The following PAWR variants were observed in gnomAD, a reference collection of about 807,000 sequenced individuals.
PAWR encodes the protein pro-apoptotic WT1 regulator.
In PAWR, 23 loss-of-function variants were observed where a neutral mutation model predicts 32.0. The observed-to-expected ratio is 0.72, with a 90% CI of 0.52 to 1.02. The LOEUF is 1.02. Among genes scored for constraint, PAWR ranks in the 50% least tolerant of loss-of-function variants. The pLI is 0.00. For missense variants in PAWR, 457 were observed against 437.7 expected, an observed-to-expected ratio of 1.04 and a Z score of -0.39; for synonymous variants, 226 against 187.1, an observed-to-expected ratio of 1.21 and a Z score of -1.70.
At chr12:79,626,027 G>A (rs1252964336) in intron 2 of PAWR, among the ~76,000 whole-genome samples, 1 of 147,634 alleles carries the variant, frequency 6.8e-6, no homozygotes. Context: ...AGCCAGGCGT[G>A]GTGGCACGCG....
intron 2 of PAWR, among the ~76,000 whole-genome samples, chr12:79,658,450 G>C (rs1877195960): frequency 6.6e-6 from 1 of 151,870 alleles, no homozygotes; most frequent in Non-Finnish European, 1.5e-5. Flanking sequence ...CCTCTTATCG[G>C]ACAACCAAGC....
chr12:79,667,366 T>C (rs572848372), intron 2 of PAWR, among the ~76,000 whole-genome samples: 2 of 152,286 alleles, frequency 1.3e-5, no homozygotes, highest in Admixed American at 6.5e-5. Flanking sequence ...AATGAATGGA[T>C]CTGATCAAAC....
intron 4 of PAWR, among the ~76,000 whole-genome samples, chr12:79,611,190 TTATAGA>T (rs1344123245): frequency 6.8e-6 from 1 of 146,488 alleles, no homozygotes; most frequent in African/African-American, 2.5e-5. Context: ...TATATAAATC[TTATAGA>T]TATTTATATA....
intron 2 of PAWR, among the ~76,000 whole-genome samples, chr12:79,652,012 T>C (rs1876873283): frequency 6.6e-6 from 1 of 152,116 alleles, no homozygotes; most frequent in South Asian, 2.1e-4. Context: ...GACAAATATG[T>C]ATGATCTCCC....
intron 2 of PAWR, among the ~76,000 whole-genome samples, chr12:79,659,642 T>G (rs1018717928): frequency 2.6e-5 from 4 of 152,240 alleles, no homozygotes; most frequent in Non-Finnish European, 5.9e-5. Context: ...CTACAGTTAT[T>G]CAGATTATTT....
At chr12:79,618,162 G>T (rs991070434) in intron 3 of PAWR, among the ~76,000 whole-genome samples, 1 of 150,556 alleles carries the variant, frequency 6.6e-6, no homozygotes, top group Non-Finnish European at 1.5e-5. Context: ...ACACAGTCTC[G>T]CTGTCACCCA....
In PAWR at chr12:79,608,033, G is replaced by A. The variant is rs138882323; in HGVS notation, c.683+5542C>T. ...CAATGCACTCCAGCCTGGGCGACAAGAGCAAAACTCGGACTCAAAAAAAAA... is the reference window on the plus strand; with the variant it reads ...CAATGCACTCCAGCCTGGGCGACAAAAGCAAAACTCGGACTCAAAAAAAAA... On this transcript the variant is annotated intron_variant, in intron 4 of 6. Coordinates refer to ENST00000328827, the MANE Select transcript of PAWR (RefSeq NM_002583.4). 4.2e-3 allele frequency among the ~76,000 whole-genome samples: 600 copies of A among 143,190 alleles called. 10 individuals are homozygous for A. Among genetic ancestry groups the A allele is most frequent in the African/African-American group, 0.015 (570 of 38,438 alleles). The allele number at this position is 143,190 out of a possible 152,430, so 93.9% of individuals were successfully genotyped here. A position where few individuals can be genotyped will look rare whatever the true frequency, so the allele number is the denominator to read the frequency against.
rs1290647807 is a variant in PAWR, at chr12:79,690,285, C to A, written c.-41G>T. The A allele has an allele frequency of 2.1e-6, 3 of 1,413,426 alleles. No homozygotes were observed. The East Asian group carries it at 9.1e-5, about 43-fold the overall frequency. 87.6% of individuals were successfully genotyped at this position (1,413,426 alleles called of 1,614,324 possible). ...GGTCGGGCTCTCACCTCAGGCCGCC[C>A]ACCAGGGCTCCGGCCGCTGCCTCCT... On this transcript the variant is annotated 5_prime_UTR_variant, in exon 2 of 7. Coordinates refer to ENST00000328827, the MANE Select transcript of PAWR (RefSeq NM_002583.4).
chr12:79,688,884 T>C (rs1878820153), intron 2 of PAWR, among the ~76,000 whole-genome samples: 1 of 152,198 alleles, frequency 6.6e-6, no homozygotes, highest in African/African-American at 2.4e-5. Flanking sequence ...AATCAAAACT[T>C]GTTTGAGATT....
At chr12:79,616,690 A>T (rs1874753620) in intron 3 of PAWR, among the ~76,000 whole-genome samples, 1 of 152,140 alleles carries the variant, frequency 6.6e-6, no homozygotes, top group Non-Finnish European at 1.5e-5. Context: ...TAAAAATATC[A>T]GATTTCTACA....
chr12:79,591,988 T>G lies in PAWR; in HGVS notation c.*619A>C, dbSNP rs914333006. The G allele has an allele frequency of 6.6e-5, 10 of 152,588 alleles. No individual in the cohort carries two copies. The highest frequency in any genetic ancestry group is 6.5e-4 in the Admixed American group (10 of 15,278). 9.5% of individuals were successfully genotyped at this position (152,588 alleles called of 1,614,324 possible). A position where few individuals can be genotyped will look rare whatever the true frequency, so the allele number is the denominator to read the frequency against. On this transcript the variant is annotated 3_prime_UTR_variant, in exon 7 of 7. Transcript: ENST00000328827. ...TATTCAAACACAAAATAGTAAATTT[T>G]TATTTACTATAGCACAATTCAAGTA...
At chr12:79,647,894 G>C (rs573017950) in intron 2 of PAWR, among the ~76,000 whole-genome samples, 18 of 152,254 alleles carry the variant, frequency 1.2e-4, no homozygotes, top group African/African-American at 3.1e-4. Flanking sequence ...ACACAAGACA[G>C]GGGCAGGGGG....
chr12:79,587,819 GAGT>G lies in PAWR; in HGVS notation c.*4785_*4787del, dbSNP rs1387579365. The G allele has an allele frequency of 6.6e-6, 1 of 151,832 alleles. No homozygotes were observed. Among genetic ancestry groups the G allele is most frequent in the Non-Finnish European group, 1.5e-5 (1 of 67,838 alleles). 9.4% of individuals were successfully genotyped at this position (151,832 alleles called of 1,614,324 possible). On this transcript the variant is annotated 3_prime_UTR_variant, in exon 7 of 7. Transcript: ENST00000328827. ...AAAAATAAATGAAAAAAATTTTATT[GAGT>G]ATTACTTTATACATGCAAATTGAAA...
At chr12:79,594,065 C>T (rs1359732966) in intron 6 of PAWR, among the ~76,000 whole-genome samples, 2 of 151,994 alleles carry the variant, frequency 1.3e-5, no homozygotes, top group African/African-American at 2.4e-5. Flanking sequence ...AGTGACAAAG[C>T]GCCTGTCACC....
chr12:79,654,595 G>A (rs564995331), intron 2 of PAWR, among the ~76,000 whole-genome samples: 1 of 152,224 alleles, frequency 6.6e-6, no homozygotes, highest in South Asian at 2.1e-4. Context: ...ACAAAGAACT[G>A]CCCAGTTTAT....
chr12:79,587,454 A>T lies in PAWR; in HGVS notation c.*5153T>A, dbSNP rs1490526504. On this transcript the variant is annotated 3_prime_UTR_variant, in exon 7 of 7. Transcript: ENST00000328827. ...AAGGACCTGAAATTCTTTGGACACC[A>T]TCAGATTTAGTTTATAAGAGTTCTG... 6.6e-6 allele frequency: 1 copy of T among 152,092 alleles called. No individual in the cohort carries two copies. The highest frequency in any genetic ancestry group is 1.5e-5 in the Non-Finnish European group (1 of 67,924). 9.4% of individuals were successfully genotyped at this position (152,092 alleles called of 1,614,324 possible). A position where few individuals can be genotyped will look rare whatever the true frequency, so the allele number is the denominator to read the frequency against.
chr12:79,636,355 T>C (rs1474697624), intron 2 of PAWR, among the ~76,000 whole-genome samples: 2 of 152,102 alleles, frequency 1.3e-5, no homozygotes, highest in Non-Finnish European at 2.9e-5. Flanking sequence ...ATGTTTCTAA[T>C]ATATGGAGAA....
chr12:79,677,613 G>A (rs540255993), intron 2 of PAWR, among the ~76,000 whole-genome samples: 1 of 152,114 alleles, frequency 6.6e-6, no homozygotes, highest in South Asian at 2.1e-4. Context: ...CACAATCCTA[G>A]ATTTGCTATT....
intron 3 of PAWR, among the ~76,000 whole-genome samples, chr12:79,619,681 A>G (rs1592505380): frequency 6.6e-6 from 1 of 152,202 alleles, no homozygotes; most frequent in African/African-American, 2.4e-5. Context: ...ACTGGTCTTA[A>G]AAGTTTCAAA....
Sources: gnomAD v4.1 joint callset for allele counts (sites outside exome capture counted in the v4.1 genomes callset) on GRCh38, gnomAD v4.1.1 for gene constraint, MANE v1.5 for transcripts, NCBI Gene and HGNC (gene_info 2026-07-23, HGNC 2026-07-21) for gene names.